DMD: variants seen among roughly 807,000 people sequenced by gnomAD.
The protein encoded by DMD is mutant dystrophin.
A neutral mutation model predicts 330.1 loss-of-function variants in DMD; 63 were observed. The observed-to-expected ratio is 0.19, with a 90% CI of 0.16 to 0.24. The LOEUF is 0.24. DMD is among the 10% of genes least tolerant of loss of function. The probability of loss-of-function intolerance (pLI) is 1.00; values close to 1 mark genes in which losing one functional copy is unlikely to be tolerated. For synonymous variants in DMD, 1,223 were observed against 959.8 expected (o/e 1.27, Z -5.07); for missense variants, 3,344 against 2,684.1 (o/e 1.25, Z -5.43).
intron 60 of DMD, among the ~76,000 whole-genome samples, chrX:31,374,588 C>T (rs1370819057): frequency 4.0e-5 from 4 of 99,178 alleles, no homozygotes; most frequent in Non-Finnish European, 8.0e-5. Flanking sequence ...GACCAAACAC[C>T]GCATGTTCTC....
At chrX:32,387,782 C>G (rs771483192) in intron 32 of DMD, among the ~76,000 whole-genome samples, 1 of 111,177 alleles carries the variant, frequency 9.0e-6, no homozygotes, top group Non-Finnish European at 1.9e-5. Context: ...TGGAAATCAA[C>G]GATGCTAATT....
intron 1 of DMD, among the ~76,000 whole-genome samples, chrX:33,324,019 T>G (rs1433424144): frequency 9.0e-6 from 1 of 111,524 alleles, no homozygotes; most frequent in Non-Finnish European, 1.9e-5. Context: ...CATATTTTGA[T>G]AATTGCCCTC....
intron 1 of DMD, among the ~76,000 whole-genome samples, chrX:33,221,306 A>G (rs2052171360): frequency 8.9e-6 from 1 of 111,756 alleles, no homozygotes; most frequent in East Asian, 2.8e-4. Flanking sequence ...TAATTGATAA[A>G]CTTCAATAAG....
chrX:33,219,306 T>TGTG (rs2052117939), intron 1 of DMD, among the ~76,000 whole-genome samples: 5 of 72,990 alleles, frequency 6.9e-5, no homozygotes, highest in East Asian at 4.4e-4. Flanking sequence ...TTAGAGATTA[T>TGTG]TGTGTGTGTG....
At chrX:32,162,069 G>T (rs747723378) in intron 44 of DMD, among the ~76,000 whole-genome samples, 8 of 111,575 alleles carry the variant, frequency 7.2e-5, no homozygotes, top group Non-Finnish European at 1.1e-4. Context: ...TGCATGTGGG[G>T]CTTAAAACCT....
intron 2 of DMD, among the ~76,000 whole-genome samples, chrX:33,009,275 CAT>C (rs1285050780): frequency 0.012 from 647 of 54,824 alleles, 135 homozygotes; most frequent in Middle Eastern, 0.021. Flanking sequence ...TATATATACA[CAT>C]ATGTGTATGT....
chrX:31,473,478 T>G (rs898947407), intron 59 of DMD, among the ~76,000 whole-genome samples: 5 of 109,686 alleles, frequency 4.6e-5, no homozygotes, highest in African/African-American at 1.7e-4. Flanking sequence ...TCCCAGCACT[T>G]TGGGAGGCCA....
At chrX:32,217,681 A>T (rs985464867) in intron 43 of DMD, among the ~76,000 whole-genome samples, 1 of 110,070 alleles carries the variant, frequency 9.1e-6, no homozygotes, top group Non-Finnish European at 1.9e-5. Flanking sequence ...GTTTGAGGCT[A>T]TGGATCTGCC....
chrX:31,329,853 C>T (rs1354925488), intron 61 of DMD, among the ~76,000 whole-genome samples: 1 of 106,352 alleles, frequency 9.4e-6, no homozygotes, highest in Admixed American at 1.0e-4. Context: ...CACCTATAGT[C>T]CCAGCTACTC....
chrX:31,867,226 G>C (rs1196003127), intron 48 of DMD, among the ~76,000 whole-genome samples: 2 of 104,333 alleles, frequency 1.9e-5, no homozygotes, highest in Non-Finnish European at 3.9e-5. Flanking sequence ...TTTATATTTT[G>C]GGTAATCTGT....
rs2035594307 is a variant in DMD, at chrX:31,138,661, GAGA to G, written c.10922-4470_10922-4468del. On this transcript the variant is annotated intron_variant, in intron 76 of 78. Transcript: ENST00000357033. ...AGAGAGAGAGAGAGAGAGAGAGAGA[GAGA>G]GAGAGAGAGAGAGAGAGAGAGAGAA... is the stretch of plus-strand genomic sequence containing the variant. 4.2e-5 allele frequency among the ~76,000 whole-genome samples: 4 copies of G among 95,553 alleles called. No homozygotes were observed. In the Admixed American group the frequency reaches 4.7e-4, roughly 11 times the overall value. 83.0% of individuals were successfully genotyped at this position (95,553 alleles called of 115,157 possible).
intron 55 of DMD, among the ~76,000 whole-genome samples, chrX:31,623,440 T>A (rs1340306447): frequency 9.0e-6 from 1 of 110,775 alleles, no homozygotes; most frequent in Admixed American, 9.6e-5. Context: ...ATTTTTGTAT[T>A]TTTAGTAGAG....
intron 62 of DMD, among the ~76,000 whole-genome samples, chrX:31,288,241 T>G (rs1191592840): frequency 1.8e-5 from 2 of 111,270 alleles, no homozygotes; most frequent in Admixed American, 9.5e-5. Flanking sequence ...AATTGGGAAA[T>G]AGAACATCAA....
At chrX:32,330,755 C>A (rs200063959) in intron 41 of DMD, among the ~76,000 whole-genome samples, 1 of 110,940 alleles carries the variant, frequency 9.0e-6, no homozygotes, top group East Asian at 2.8e-4. Context: ...TTAGGAGGCA[C>A]TAGATAAATG....
chrX:33,257,262 T>A (rs977409260), intron 1 of DMD, among the ~76,000 whole-genome samples: 105 of 111,383 alleles, frequency 9.4e-4, no homozygotes, highest in African/African-American at 3.2e-3. Flanking sequence ...AATATGGTAG[T>A]TGATTGCAAA....
At chrX:32,737,732 G>T (rs1034114870) in intron 7 of DMD, among the ~76,000 whole-genome samples, 4 of 111,454 alleles carry the variant, frequency 3.6e-5, no homozygotes, top group African/African-American at 1.3e-4. Context: ...AGCTCCTTTT[G>T]GTCAGGTGCA....
chrX:32,648,817 T>C (rs1183568527), intron 9 of DMD, among the ~76,000 whole-genome samples: 1 of 111,840 alleles, frequency 8.9e-6, no homozygotes, highest in Non-Finnish European at 1.9e-5. Context: ...GTTTTTATCA[T>C]CACAGAATTT....
chrX:31,143,158 T>C, intron 76 of DMD, among the ~76,000 whole-genome samples: 1 of 111,606 alleles, frequency 9.0e-6, no homozygotes, highest in Admixed American at 9.5e-5. Context: ...CTTATGCAGT[T>C]CGATATGGTT....
intron 41 of DMD, among the ~76,000 whole-genome samples, chrX:32,316,309 G>A (rs1012073757): frequency 1.3e-4 from 15 of 111,614 alleles, no homozygotes; most frequent in African/African-American, 4.9e-4. Context: ...TGATAATTAA[G>A]TAATCTTTCA....
Sources: gnomAD v4.1 joint callset for allele counts (sites outside exome capture counted in the v4.1 genomes callset) on GRCh38, gnomAD v4.1.1 for gene constraint, MANE v1.5 for transcripts, NCBI Gene and HGNC (gene_info 2026-07-23, HGNC 2026-07-21) for gene names.